Variants in GSG1L observed in about 807,000 individuals in gnomAD.
The protein encoded by GSG1L is GSG1 like, also known as germ cell-specific gene 1-like protein.
Under a neutral mutation model 42.1 loss-of-function variants are expected in GSG1L, and 24 were observed. The observed-to-expected ratio is 0.57, with a 90% CI of 0.41 to 0.80. The LOEUF is 0.80. Among genes scored for constraint, GSG1L ranks in the 30% least tolerant of loss-of-function variants. GSG1L has a pLI of 0.00. For synonymous variants in GSG1L, 215 were observed against 203.5 expected, an observed-to-expected ratio of 1.06 and a Z score of -0.48; for missense variants, 445 against 472.2, an observed-to-expected ratio of 0.94 and a Z score of 0.53.
At chr16:27,817,745 G>A (rs2083112613) in intron 5 of GSG1L, among the ~76,000 whole-genome samples, 1 of 152,202 alleles carries the variant, frequency 6.6e-6, no homozygotes, top group Non-Finnish European at 1.5e-5. Context: ...AGGCAAGCAT[G>A]AGTGTCCAGC....
At chr16:28,045,921 G>A (rs1391750918) in intron 1 of GSG1L, among the ~76,000 whole-genome samples, 4 of 152,012 alleles carry the variant, frequency 2.6e-5, no homozygotes, top group African/African-American at 7.2e-5. Context: ...ATTTGAACCC[G>A]AGAGGCAGAG....
chr16:27,804,070 G>GATAGATAGATAA (rs1567460795), intron 6 of GSG1L, among the ~76,000 whole-genome samples: 1 of 151,632 alleles, frequency 6.6e-6, no homozygotes, highest in African/African-American at 2.4e-5. Flanking sequence ...TAGATAGATA[G>GATAGATAGATAA]ATAGATAGAT....
chr16:27,841,916 C>G (rs1596548422), intron 4 of GSG1L, among the ~76,000 whole-genome samples: 1 of 152,174 alleles, frequency 6.6e-6, no homozygotes, highest in Non-Finnish European at 1.5e-5. Flanking sequence ...GAAAGGGGGA[C>G]TCATGGGGAG....
intron 2 of GSG1L, among the ~76,000 whole-genome samples, chr16:27,915,854 AG>A (rs1183714114): frequency 1.1e-4 from 16 of 152,226 alleles, no homozygotes; most frequent in Non-Finnish European, 2.1e-4. Context: ...GAGAGGTTAA[AG>A]GAACAGACAG....
At chr16:28,008,393 A>G (rs970668821) in intron 1 of GSG1L, among the ~76,000 whole-genome samples, 2 of 151,934 alleles carry the variant, frequency 1.3e-5, no homozygotes, top group African/African-American at 4.8e-5. Context: ...CTCTATGTTT[A>G]GTTTGCTGGC....
intron 1 of GSG1L, among the ~76,000 whole-genome samples, chr16:27,990,909 T>C (rs531578296): frequency 6.6e-6 from 1 of 152,300 alleles, no homozygotes; most frequent in East Asian, 1.9e-4. Context: ...CCCTAAAACT[T>C]AAAGTATAAT....
chr16:28,045,225 A>G (rs980834410), intron 1 of GSG1L, among the ~76,000 whole-genome samples: 3 of 152,204 alleles, frequency 2.0e-5, no homozygotes, highest in African/African-American at 7.2e-5. Flanking sequence ...TTTGGGTGAT[A>G]GTGACATGCC....
At chr16:27,970,564 T>A (rs958035345) in intron 1 of GSG1L, among the ~76,000 whole-genome samples, 2 of 150,522 alleles carry the variant, frequency 1.3e-5, no homozygotes, top group Non-Finnish European at 3.0e-5. Context: ...AGAGTGAGAC[T>A]CCATCTAAAA....
chr16:28,009,190 G>A (rs1017384947), intron 1 of GSG1L, among the ~76,000 whole-genome samples: 11 of 152,188 alleles, frequency 7.2e-5, no homozygotes, highest in South Asian at 4.2e-4. Context: ...CTCTTTCCCC[G>A]ACCTTCTCCC....
At chr16:27,952,533 G>A (rs955043541) in intron 2 of GSG1L, among the ~76,000 whole-genome samples, 4 of 152,222 alleles carry the variant, frequency 2.6e-5, no homozygotes, top group Non-Finnish European at 4.4e-5. Context: ...TAGTTTGGGG[G>A]AAATGGATGT....
intron 2 of GSG1L, among the ~76,000 whole-genome samples, chr16:27,895,313 C>T (rs898629207): frequency 6.6e-6 from 1 of 152,236 alleles, no homozygotes; most frequent in Non-Finnish European, 1.5e-5. Flanking sequence ...TGGGGCTGCC[C>T]TCCTCAGACA....
chr16:27,883,319 T>G (rs1596583283), intron 3 of GSG1L, among the ~76,000 whole-genome samples: 1 of 149,302 alleles, frequency 6.7e-6, no homozygotes. Context: ...GGGGATGGGG[T>G]GCATGGGGAT....
intron 2 of GSG1L, among the ~76,000 whole-genome samples, chr16:27,929,435 C>T (rs1020589931): frequency 6.6e-6 from 1 of 152,092 alleles, no homozygotes; most frequent in Non-Finnish European, 1.5e-5. Context: ...GGGAATCAGC[C>T]GTAGGGCCTC....
chr16:27,808,948 G>A (rs2082999380), intron 5 of GSG1L, among the ~76,000 whole-genome samples: 1 of 152,150 alleles, frequency 6.6e-6, no homozygotes, highest in Non-Finnish European at 1.5e-5. Flanking sequence ...ACCTTCACCT[G>A]CGTCCCACTG....
At chr16:27,856,828 A>T (rs1404226691) in intron 3 of GSG1L, among the ~76,000 whole-genome samples, 1 of 152,208 alleles carries the variant, frequency 6.6e-6, no homozygotes, top group African/African-American at 2.4e-5. Context: ...ATGCAGACAG[A>T]TGAAGCAGGA....
At chr16:27,892,017 C>G (rs1183373790) in intron 2 of GSG1L, among the ~76,000 whole-genome samples, 2 of 149,610 alleles carry the variant, frequency 1.3e-5, no homozygotes, top group African/African-American at 4.9e-5. Context: ...ACTTGTGGTG[C>G]AAATTCTCCG....
chr16:27,791,913 C>T (rs922676407), intron 6 of GSG1L, among the ~76,000 whole-genome samples: 4 of 152,048 alleles, frequency 2.6e-5, no homozygotes, highest in African/African-American at 9.7e-5. Flanking sequence ...CATCCACCTA[C>T]ACCCAAAACA....
chr16:28,057,235 C>A (rs1214289268), intron 1 of GSG1L, among the ~76,000 whole-genome samples: 2 of 152,106 alleles, frequency 1.3e-5, no homozygotes, highest in Non-Finnish European at 2.9e-5. Context: ...AACCCTCCAG[C>A]CACCGGGTGG....
chr16:28,048,359 C>T (rs1170392352), intron 1 of GSG1L, among the ~76,000 whole-genome samples: 1 of 152,078 alleles, frequency 6.6e-6, no homozygotes, highest in Non-Finnish European at 1.5e-5. Context: ...GCAGAAATTG[C>T]ATAGGCTACT....
Sources: gnomAD v4.1 joint callset for allele counts (sites outside exome capture counted in the v4.1 genomes callset) on GRCh38, gnomAD v4.1.1 for gene constraint, MANE v1.5 for transcripts, NCBI Gene and HGNC (gene_info 2026-07-23, HGNC 2026-07-21) for gene names.